The following SCN11A variants were observed in gnomAD, a reference collection of about 807,000 sequenced individuals.
SCN11A encodes the protein sodium voltage-gated channel alpha subunit 11.
Under a neutral mutation model 162.2 loss-of-function variants are expected in SCN11A, and 122 were observed. That is an observed-to-expected ratio of 0.75 (90% confidence interval 0.65 to 0.87). The LOEUF (loss-of-function observed/expected upper bound fraction) is 0.87. SCN11A is among the 40% of genes least tolerant of loss of function. SCN11A has a pLI of 0.00. For missense variants in SCN11A, 2,015 were observed against 2,181.6 expected (o/e 0.92, Z 1.52); for synonymous variants, 758 against 751.5 (o/e 1.01, Z -0.14).
At chr3:38,990,677 A>G (rs954935289) in intron 2 of SCN11A, among the ~76,000 whole-genome samples, 2 of 152,170 alleles carry the variant, frequency 1.3e-5, no homozygotes, top group African/African-American at 4.8e-5. Context: ...AGCCCTTTAT[A>G]TACTTTAACA....
At chr3:38,946,588 C>A (rs1339697684) in intron 6 of SCN11A, among the ~76,000 whole-genome samples, 2 of 152,218 alleles carry the variant, frequency 1.3e-5, no homozygotes, top group Non-Finnish European at 2.9e-5. Context: ...TTAGTCTATG[C>A]CCTTCTGAGG....
intron 2 of SCN11A, chr3:39,026,107 T>C (rs2031581154): frequency 6.6e-6 from 1 of 151,728 alleles, no homozygotes; most frequent in Non-Finnish European, 1.5e-5. Context: ...ACATTATGTG[T>C]CAATTAAAAA....
chr3:39,031,881 C>A (rs1275596096), intron 2 of SCN11A, among the ~76,000 whole-genome samples: 1 of 152,078 alleles, frequency 6.6e-6, no homozygotes, highest in African/African-American at 2.4e-5. Flanking sequence ...TTTGCCAAAC[C>A]CTGCTAAGTC....
chr3:38,963,828 C>T (rs1170834373), intron 2 of SCN11A, among the ~76,000 whole-genome samples: 2 of 152,104 alleles, frequency 1.3e-5, no homozygotes, highest in Non-Finnish European at 2.9e-5. Flanking sequence ...CACTTAAGAA[C>T]TTACTCATGT....
intron 7 of SCN11A, among the ~76,000 whole-genome samples, chr3:38,933,489 G>T (rs1309256285): frequency 6.6e-6 from 1 of 151,956 alleles, no homozygotes; most frequent in African/African-American, 2.4e-5. Flanking sequence ...AAATTTAGAC[G>T]AAAGTATAAC....
In SCN11A at chr3:38,867,198, T is replaced by G. The variant is rs557383734; in HGVS notation, c.3951+123A>C. The G allele has an allele frequency of 4.6e-6, 4 of 875,596 alleles. No individual in the cohort carries two copies. The South Asian group carries it at 5.2e-5, about 11-fold the overall frequency. The allele number at this position is 875,596 out of a possible 1,614,324, so 54.2% of individuals were successfully genotyped here. On this transcript the variant is annotated intron_variant, in intron 27 of 29. Coordinates refer to ENST00000302328, the MANE Select transcript of SCN11A (RefSeq NM_001349253.2). ...CTCCAGGCAGACATGGGAGGCTCCC[T>G]CCTTGTTATTGTGCAGATCATAAAG... is the stretch of plus-strand genomic sequence containing the variant.
chr3:38,930,360 A>G (rs1040991408), intron 7 of SCN11A, among the ~76,000 whole-genome samples: 2 of 152,210 alleles, frequency 1.3e-5, no homozygotes, highest in Non-Finnish European at 2.9e-5. Context: ...CTTTTGTGTG[A>G]CAAATGAGCA....
At chr3:38,947,427 G>C (rs1318778273) in intron 5 of SCN11A, among the ~76,000 whole-genome samples, 2 of 152,176 alleles carry the variant, frequency 1.3e-5, no homozygotes, top group Non-Finnish European at 2.9e-5. Context: ...TTACCTCTGT[G>C]GACATAGGGG....
intron 11 of SCN11A, among the ~76,000 whole-genome samples, chr3:38,914,905 T>A (rs539652942): frequency 6.6e-6 from 1 of 152,300 alleles, no homozygotes; most frequent in Admixed American, 6.5e-5. Flanking sequence ...GATTTTTGCA[T>A]CAATGTTCAT....
At chr3:38,948,261 C>T (rs760806368) in intron 5 of SCN11A, among the ~76,000 whole-genome samples, 32 of 152,208 alleles carry the variant, frequency 2.1e-4, no homozygotes, top group South Asian at 8.3e-4. Flanking sequence ...AGTCACCCCA[C>T]ATTAATAAGT....
chr3:39,050,298 T>G (rs1459172692), intron 1 of SCN11A, among the ~76,000 whole-genome samples: 2 of 152,228 alleles, frequency 1.3e-5, no homozygotes, highest in East Asian at 3.8e-4. Flanking sequence ...AGATACTTCC[T>G]GTCTTACAAT....
rs779955918 is a variant in SCN11A at position 38,846,702 on chromosome 3, A to G, written c.5368T>C (p.Cys1790Arg). 16 of 1,613,676 alleles carry G rather than the reference A, an allele frequency of 9.9e-6. No homozygotes were observed. The highest frequency in any genetic ancestry group is 1.3e-5 in the Non-Finnish European group (15 of 1,179,766). ...SFGVAKGKVH[C>R]D The stretch of plus-strand genomic sequence containing the variant: ...GGCGTGGAGGTGAGGGCTCAGTCAC[A>G]GTGGACCTTGCCCTTGGCCACCCCA... Residue 1790 changes from cysteine (C) to arginine (R), a missense_variant, in exon 30 of 30, where the codon TGT (cysteine) becomes CGT (arginine). Cys to Arg is a radical substitution (Grantham distance 180). Transcript: ENST00000302328.
At chr3:38,850,892 G>A in intron 28 of SCN11A, 141 bp from the exon 29 acceptor site, 1 of 611,398 alleles carries the variant, frequency 1.6e-6, no homozygotes, top group Non-Finnish European at 2.6e-6. Flanking sequence ...CTTTTCAAAG[G>A]GCAAGAAATT....
At chr3:39,036,430 C>CACA (rs1018113155) in intron 1 of SCN11A, among the ~76,000 whole-genome samples, 1 of 152,178 alleles carries the variant, frequency 6.6e-6, no homozygotes, top group Non-Finnish European at 1.5e-5. Flanking sequence ...CAGGCAAGAG[C>CACA]CACCACACCT....
In SCN11A at chr3:38,946,759, G is replaced by T. The variant is rs374489398; in HGVS notation, c.386+30C>A. 4 of 1,422,694 alleles carry T rather than the reference G, an allele frequency of 2.8e-6. No homozygotes were observed. In the African/African-American group the frequency reaches 5.7e-5, roughly 20 times the overall value. The allele number at this position is 1,422,694 out of a possible 1,614,324, so 88.1% of individuals were successfully genotyped here. On this transcript the variant is annotated intron_variant, in intron 6 of 29. Transcript: ENST00000302328. ...GCACGTGCACTTTTCAAATGATCTG[G>T]ACTTAGTAAAAGGTGCAATGAAAGG...
chr3:38,899,051 T>G (rs1438483140), intron 17 of SCN11A, among the ~76,000 whole-genome samples: 1 of 151,900 alleles, frequency 6.6e-6, no homozygotes, highest in East Asian at 1.9e-4. Flanking sequence ...AAATATAAAA[T>G]GTACATTTAG....
chr3:38,890,564 G>A (rs1221884038), intron 19 of SCN11A, among the ~76,000 whole-genome samples: 2 of 152,366 alleles, frequency 1.3e-5, no homozygotes, highest in East Asian at 3.9e-4. Flanking sequence ...CTCAAAGACT[G>A]CGCTTAAAAG....
chr3:39,005,899 T>C (rs1175180052), intron 2 of SCN11A, among the ~76,000 whole-genome samples: 3 of 152,194 alleles, frequency 2.0e-5, no homozygotes, highest in Non-Finnish European at 2.9e-5. Context: ...TTTTCTTACC[T>C]GAGTACATAC....
chr3:39,000,443 C>T (rs1454257563), intron 2 of SCN11A, among the ~76,000 whole-genome samples: 2 of 152,216 alleles, frequency 1.3e-5, no homozygotes, highest in Non-Finnish European at 2.9e-5. Flanking sequence ...TCTCCAGCTT[C>T]TCTTCCACTC....
Sources: gnomAD v4.1 joint callset for allele counts (sites outside exome capture counted in the v4.1 genomes callset) on GRCh38, gnomAD v4.1.1 for gene constraint, MANE v1.5 for transcripts, NCBI Gene and HGNC (gene_info 2026-07-23, HGNC 2026-07-21) for gene names.